The following EPB41L4B variants were observed in gnomAD, a reference collection of about 807,000 sequenced individuals.
The protein encoded by EPB41L4B is band 4.1-like protein 4B.
A neutral mutation model predicts 112.5 loss-of-function variants in EPB41L4B; 30 were observed. The ratio of observed to expected loss-of-function variants is 0.27; its 90% confidence interval spans 0.20 to 0.36. EPB41L4B has a LOEUF of 0.36. Among genes scored for constraint, EPB41L4B ranks in the 10% least tolerant of loss-of-function variants. The probability of loss-of-function intolerance (pLI) is 1.00; values close to 1 mark genes in which losing one functional copy is unlikely to be tolerated. For synonymous variants in EPB41L4B, 408 were observed against 439.7 expected (o/e 0.93, Z 0.90); for missense variants, 1,024 against 1,133.3 (o/e 0.90, Z 1.38).
intron 6 of EPB41L4B, 43 bp from the exon 7 acceptor site, chr9:109,258,340 G>T: frequency 6.3e-7 from 1 of 1,596,384 alleles, no homozygotes; most frequent in East Asian, 2.3e-5. Context: ...GACATTGAAT[G>T]ATTTCAGTTA....
intron 16 of EPB41L4B, 103 bp from the exon 17 acceptor site, chr9:109,213,921 G>T: frequency 1.0e-6 from 1 of 967,710 alleles, no homozygotes; most frequent in Non-Finnish European, 1.6e-6. Context: ...CACCCTTTCT[G>T]CCGGCCTCCT....
At chr9:109,193,988 A>G (rs1195031683) in intron 21 of EPB41L4B, among the ~76,000 whole-genome samples, 1 of 152,200 alleles carries the variant, frequency 6.6e-6, no homozygotes, top group African/African-American at 2.4e-5. Context: ...CTTACATTGC[A>G]ATTAAAGTAC....
intron 15 of EPB41L4B, among the ~76,000 whole-genome samples, chr9:109,223,000 A>G (rs928430070): frequency 6.6e-6 from 1 of 152,248 alleles, no homozygotes; most frequent in Non-Finnish European, 1.5e-5. Context: ...GGGCCTAGCC[A>G]TAAGAGACTT....
chr9:109,312,879 T>G (rs1357430107), intron 1 of EPB41L4B, among the ~76,000 whole-genome samples: 3 of 152,072 alleles, frequency 2.0e-5, no homozygotes, highest in African/African-American at 2.4e-5. Context: ...TGCTGTTCCC[T>G]CCACCCAGAC....
rs200057260 is a variant in EPB41L4B at position 109,251,450 on chromosome 9, G to A, written c.1310+31C>T. The A allele has an allele frequency of 2.5e-6, 4 of 1,601,960 alleles. No individual in the cohort carries two copies. In the East Asian group the frequency reaches 8.9e-5, roughly 36 times the overall value. On this transcript the variant is annotated intron_variant, in intron 13 of 25. Transcript: ENST00000374566. ...AAATAAATACGATCCTTAGAGAGGA[G>A]AGCTGTGCTCTAGAGCTCAAGGACA...
chr9:109,245,215 C>T (rs1834508224), intron 14 of EPB41L4B, among the ~76,000 whole-genome samples: 1 of 152,198 alleles, frequency 6.6e-6, no homozygotes, highest in Non-Finnish European at 1.5e-5. Flanking sequence ...GTGTTTTGAT[C>T]ACATAGACAG....
chr9:109,224,551 G>C (rs367630929), intron 15 of EPB41L4B, among the ~76,000 whole-genome samples: 1 of 152,088 alleles, frequency 6.6e-6, no homozygotes, highest in East Asian at 1.9e-4. Context: ...GATGGTGGAC[G>C]GGGGGAAGGG....
At chr9:109,204,927 C>T (rs1832945151) in intron 18 of EPB41L4B, among the ~76,000 whole-genome samples, 1 of 152,196 alleles carries the variant, frequency 6.6e-6, no homozygotes, top group African/African-American at 2.4e-5. Context: ...GTATACTTGG[C>T]TGTGCATCAA....
chr9:109,237,629 TG>T (rs1834194139), intron 15 of EPB41L4B, among the ~76,000 whole-genome samples: 1 of 151,726 alleles, frequency 6.6e-6, no homozygotes, highest in Admixed American at 6.6e-5. Context: ...ATTTTTAGAC[TG>T]GGGGAGGGGT....
intron 1 of EPB41L4B, among the ~76,000 whole-genome samples, chr9:109,315,426 G>T (rs1010314239): frequency 6.6e-6 from 1 of 152,148 alleles, no homozygotes; most frequent in African/African-American, 2.4e-5. Flanking sequence ...CTGAAGTTGG[G>T]ATCATTTTTT....
In EPB41L4B at chr9:109,320,251, G is replaced by T. The variant is rs780039369; in HGVS notation, c.196C>A (p.Leu66Met). 5 of 1,230,840 alleles carry T rather than the reference G, an allele frequency of 4.1e-6. No homozygotes were observed. In the East Asian group the frequency reaches 1.6e-4, roughly 40 times the overall value. 76.2% of individuals were successfully genotyped at this position (1,230,840 alleles called of 1,614,324 possible). A position where few individuals can be genotyped will look rare whatever the true frequency, so the allele number is the denominator to read the frequency against. Reference sequence around the variant, plus strand: ...TGCACGGCCGCGCCGCCGGTGAGCAGGGGCCCGCCGCCCGCCGGGAACACG... The same window carrying T: ...TGCACGGCCGCGCCGCCGGTGAGCATGGGCCCGCCGCCCGCCGGGAACACG... ...GSVFPAGGGPLLTGGAAVHIS... is the reference protein window; with the variant it reads ...GSVFPAGGGPMLTGGAAVHIS... Residue 66 changes from leucine (L) to methionine (M), a missense_variant, in exon 1 of 26, where the codon CTG (leucine) becomes ATG (methionine). Physicochemically the swap from Leu to Met is conservative, Grantham distance 15. Transcript: ENST00000374566.
intron 1 of EPB41L4B, among the ~76,000 whole-genome samples, chr9:109,307,622 G>A (rs1837260977): frequency 6.6e-6 from 1 of 152,224 alleles, no homozygotes; most frequent in Admixed American, 6.5e-5. Flanking sequence ...GCCCCAGCAG[G>A]CAAGAGCAAT....
chr9:109,290,494 T>G (rs187489893), intron 1 of EPB41L4B, among the ~76,000 whole-genome samples: 1 of 152,194 alleles, frequency 6.6e-6, no homozygotes, highest in Non-Finnish European at 1.5e-5. Flanking sequence ...ATCAATTCCT[T>G]CTTTTCCCAG....
intron 19 of EPB41L4B, among the ~76,000 whole-genome samples, chr9:109,201,509 A>G (rs1462140423): frequency 6.6e-6 from 1 of 151,776 alleles, no homozygotes; most frequent in Non-Finnish European, 1.5e-5. Flanking sequence ...GAGAAAATAG[A>G]GGATTTGAGT....
chr9:109,315,678 G>A (rs775871398), intron 1 of EPB41L4B, among the ~76,000 whole-genome samples: 5 of 152,146 alleles, frequency 3.3e-5, no homozygotes, highest in East Asian at 1.9e-4. Context: ...CCAATGGGCC[G>A]GGGAGGTGCT....
chr9:109,176,615 T>G lies in EPB41L4B; in HGVS notation c.2569A>C (p.Thr857Pro), dbSNP rs902138812. 5 of 1,613,966 alleles carry G rather than the reference T, an allele frequency of 3.1e-6. No individual in the cohort carries two copies. Among genetic ancestry groups the G allele is most frequent in the Non-Finnish European group, 4.2e-6 (5 of 1,179,970 alleles). Residue 857 changes from threonine (T) to proline (P), a missense_variant, in exon 25 of 26, where the codon ACA (threonine) becomes CCA (proline). Physicochemically the swap from Thr to Pro is conservative, Grantham distance 38. Transcript: ENST00000374566. ...GTCTGCACTGTGGAGACGGTCTCTG[T>G]CAAAGGCCTCAGGGTCGCTGCTGGG... is the stretch of plus-strand genomic sequence containing the variant. Reference protein sequence around the residue: ...LIPAATLRPLTETVSTVQTIY... With the variant: ...LIPAATLRPLPETVSTVQTIY...
At chr9:109,255,980 A>C in intron 9 of EPB41L4B, 137 bp from the exon 10 acceptor site, 1 of 1,203,544 alleles carries the variant, frequency 8.3e-7, no homozygotes, top group Non-Finnish European at 1.2e-6. Context: ...ATTATCCAGA[A>C]GTTTCAGCGC....
intron 6 of EPB41L4B, among the ~76,000 whole-genome samples, chr9:109,259,281 G>A (rs899478020): frequency 3.3e-5 from 5 of 152,182 alleles, no homozygotes; most frequent in Non-Finnish European, 5.9e-5. Flanking sequence ...AGTGGCTTTC[G>A]AATTTGGGTG....
chr9:109,226,000 C>T (rs1833746728), intron 15 of EPB41L4B, among the ~76,000 whole-genome samples: 5 of 152,160 alleles, frequency 3.3e-5, no homozygotes, highest in Admixed American at 3.3e-4. Flanking sequence ...AAGTAAAGTC[C>T]TAACTTTTTC....
Sources: allele counts gnomAD v4.1 joint callset (sites outside exome capture counted in the v4.1 genomes callset), GRCh38; gene constraint gnomAD v4.1.1; transcripts MANE v1.5; gene names NCBI Gene and HGNC (gene_info 2026-07-23, HGNC 2026-07-21).